Variants in SIDT1 observed in about 807,000 individuals in gnomAD.
SIDT1 encodes the protein SID1 transmembrane family, member 1.
Under a neutral mutation model 107.5 loss-of-function variants are expected in SIDT1, and 101 were observed. The observed-to-expected ratio is 0.94, with a 90% CI of 0.80 to 1.11. The LOEUF is 1.11. SIDT1 is among the 50% of genes least tolerant of loss of function. SIDT1 has a pLI of 0.00. For missense variants in SIDT1, 1,076 were observed against 1,058.2 expected, an observed-to-expected ratio of 1.02 and a Z score of -0.23; for synonymous variants, 395 against 398.2, an observed-to-expected ratio of 0.99 and a Z score of 0.10.
intron 12 of SIDT1, among the ~76,000 whole-genome samples, chr3:113,603,704 C>T (rs1270863315): frequency 2.0e-5 from 3 of 152,066 alleles, no homozygotes; most frequent in Non-Finnish European, 1.5e-5. Context: ...TCAGCCAATC[C>T]TTAATATTCC....
chr3:113,616,005 A>T, intron 19 of SIDT1, 95 bp from the exon 20 acceptor site: 1 of 825,186 alleles, frequency 1.2e-6, no homozygotes, highest in Non-Finnish European at 2.2e-6. Flanking sequence ...TGAAGTGAGG[A>T]TGACATCATT....
chr3:113,601,513 C>T lies in SIDT1; in HGVS notation c.1046-75C>T, dbSNP rs1445874976. 1.1e-5 allele frequency: 11 copies of T among 1,008,366 alleles called. No homozygotes were observed. In the Admixed American group the frequency reaches 1.8e-4, roughly 17 times the overall value. 62.5% of individuals were successfully genotyped at this position (1,008,366 alleles called of 1,614,324 possible). A position where few individuals can be genotyped will look rare whatever the true frequency, so the allele number is the denominator to read the frequency against. ...CCTAAAATAATGTGCCCTGATGATT[C>T]AAGCTACTTAGAATAGTGTTGTTTT... On this transcript the variant is annotated intron_variant, in intron 10 of 24. Transcript: ENST00000264852.
At chr3:113,597,221 G>A (rs1403210646) in intron 10 of SIDT1, among the ~76,000 whole-genome samples, 1 of 152,110 alleles carries the variant, frequency 6.6e-6, no homozygotes, top group Non-Finnish European at 1.5e-5. Flanking sequence ...TTTTGGCTGG[G>A]CACGATGGCT....
At chr3:113,559,725 G>A (rs1472343237) in intron 1 of SIDT1, among the ~76,000 whole-genome samples, 5 of 152,162 alleles carry the variant, frequency 3.3e-5, no homozygotes, top group African/African-American at 9.7e-5. Flanking sequence ...GATTACAGGC[G>A]TGAGCTACCA....
At chr3:113,535,267 GT>G (rs1937995764) in intron 1 of SIDT1, among the ~76,000 whole-genome samples, 1 of 144,202 alleles carries the variant, frequency 6.9e-6, no homozygotes, top group Non-Finnish European at 1.5e-5. Context: ...GTGATACCCT[GT>G]TTTTTCAAAA....
intron 4 of SIDT1, among the ~76,000 whole-genome samples, chr3:113,577,718 C>T (rs1366502863): frequency 6.6e-6 from 1 of 152,118 alleles, no homozygotes; most frequent in Non-Finnish European, 1.5e-5. Flanking sequence ...TTCTTTAGTC[C>T]ATAATATAGC....
chr3:113,620,826 T>C (rs1018508262), intron 21 of SIDT1, among the ~76,000 whole-genome samples: 1 of 152,172 alleles, frequency 6.6e-6, no homozygotes, highest in East Asian at 1.9e-4. Context: ...ACCAACCTCT[T>C]GATAATGACC....
chr3:113,536,443 A>G (rs997256099), intron 1 of SIDT1, among the ~76,000 whole-genome samples: 3 of 149,470 alleles, frequency 2.0e-5, no homozygotes, highest in Admixed American at 6.6e-5. Flanking sequence ...TGGTTTAGGG[A>G]AAAAAATGGC....
intron 1 of SIDT1, among the ~76,000 whole-genome samples, chr3:113,535,532 G>A (rs1938045856): frequency 1.3e-5 from 2 of 152,260 alleles, no homozygotes; most frequent in African/African-American, 2.4e-5. Flanking sequence ...TTTTGTCTGT[G>A]TGTGTTAACA....
At chr3:113,553,810 C>A (rs547719448) in intron 1 of SIDT1, among the ~76,000 whole-genome samples, 1 of 152,262 alleles carries the variant, frequency 6.6e-6, no homozygotes, top group South Asian at 2.1e-4. Flanking sequence ...CTTTGGGAGG[C>A]TGAGGTGGGC....
intron 3 of SIDT1, among the ~76,000 whole-genome samples, chr3:113,568,857 G>A (rs1171746395): frequency 6.6e-6 from 1 of 152,074 alleles, no homozygotes; most frequent in Non-Finnish European, 1.5e-5. Context: ...AGCCAGGCCA[G>A]GTGCGGTGGC....
chr3:113,588,100 CAAGTTAAGCTAATAGCTGGTTAT>C (rs1421247732), intron 9 of SIDT1, among the ~76,000 whole-genome samples: 1 of 152,160 alleles, frequency 6.6e-6, no homozygotes, highest in Non-Finnish European at 1.5e-5. Flanking sequence ...TACAAACAGA[CAAGTTAAGCTAATAGCTGGTTAT>C]CAATCGCTCT....
intron 1 of SIDT1, among the ~76,000 whole-genome samples, chr3:113,558,608 T>A (rs542350237): frequency 1.4e-4 from 22 of 152,324 alleles, no homozygotes; most frequent in South Asian, 4.1e-4. Context: ...TCCTCTCCTG[T>A]AGTGCAACAC....
At chr3:113,576,729 G>C (rs909045119) in intron 3 of SIDT1, among the ~76,000 whole-genome samples, 193 bp from the exon 4 acceptor site, 3 of 152,156 alleles carry the variant, frequency 2.0e-5, no homozygotes, top group African/African-American at 7.2e-5. Context: ...GGTCATTCTT[G>C]AGAGTTGAAA....
chr3:113,627,502 G>A (rs977444829), intron 24 of SIDT1, 144 bp from the exon 25 acceptor site: 5 of 663,548 alleles, frequency 7.5e-6, no homozygotes, highest in Non-Finnish European at 1.3e-5. Flanking sequence ...CCTATTAAGA[G>A]CAAAGGATTG....
At chr3:113,557,175 T>C (rs1940970971) in intron 1 of SIDT1, among the ~76,000 whole-genome samples, 1 of 152,172 alleles carries the variant, frequency 6.6e-6, no homozygotes, top group Admixed American at 6.5e-5. Flanking sequence ...CTTTGTCTGC[T>C]CAGGAATTCT....
chr3:113,534,821 C>T (rs1187443035), intron 1 of SIDT1, among the ~76,000 whole-genome samples: 1 of 152,244 alleles, frequency 6.6e-6, no homozygotes, highest in Non-Finnish European at 1.5e-5. Context: ...AGAGCATCTA[C>T]TTATGAATTG....
intron 10 of SIDT1, among the ~76,000 whole-genome samples, chr3:113,594,284 A>C (rs905891629): frequency 6.6e-6 from 1 of 152,240 alleles, no homozygotes; most frequent in African/African-American, 2.4e-5. Context: ...TCAATATAAA[A>C]GACTATAAAA....
At chr3:113,539,646 T>C (rs1050743133) in intron 1 of SIDT1, among the ~76,000 whole-genome samples, 44 of 152,210 alleles carry the variant, frequency 2.9e-4, no homozygotes, top group African/African-American at 9.9e-4. Flanking sequence ...CATCCACATC[T>C]TCTTTCATTC....
Sources: allele counts gnomAD v4.1 joint callset (sites outside exome capture counted in the v4.1 genomes callset), GRCh38; gene constraint gnomAD v4.1.1; transcripts MANE v1.5; gene names NCBI Gene and HGNC (gene_info 2026-07-23, HGNC 2026-07-21).